Variants in DCX observed in about 807,000 individuals in gnomAD.
The protein encoded by DCX is doublecortin.
Under a neutral mutation model 20.9 loss-of-function variants are expected in DCX, and 4 were observed. That is an observed-to-expected ratio of 0.19 (90% CI 0.09 to 0.44). The LOEUF (loss-of-function observed/expected upper bound fraction) is 0.44. Among genes scored for constraint, DCX ranks in the 20% least tolerant of loss-of-function variants. The pLI is 0.99. For synonymous variants in DCX, 103 were observed against 111.4 expected, an observed-to-expected ratio of 0.92 and a Z score of 0.47; for missense variants, 133 against 296.9, an observed-to-expected ratio of 0.45 and a Z score of 4.06.
chrX:111,400,226 A>G (rs1008519516), intron 3 of DCX, among the ~76,000 whole-genome samples: 2 of 111,518 alleles, frequency 1.8e-5, no homozygotes, highest in Admixed American at 9.5e-5. Context: ...ACAGCTCCCT[A>G]TGCTTAAGAG....
intron 1 of DCX, chrX:111,411,164 T>A (rs1342096000): frequency 2.3e-6 from 1 of 435,102 alleles, no homozygotes; most frequent in African/African-American, 2.5e-5. Context: ...GAAAAAGGAT[T>A]AGAAAAATAA....
At chrX:111,316,086 T>TAAAAAAAAAAAA (rs754058802) in intron 5 of DCX, among the ~76,000 whole-genome samples, 40 of 50,295 alleles carry the variant, frequency 8.0e-4, no homozygotes, top group East Asian at 1.5e-3. Flanking sequence ...TAATAAAAAA[T>TAAAAAAAAAAAA]AAAAAAAAAA....
chrX:111,355,176 T>G (rs1216470876), intron 3 of DCX, among the ~76,000 whole-genome samples: 1 of 112,442 alleles, frequency 8.9e-6, no homozygotes, highest in Non-Finnish European at 1.9e-5. Flanking sequence ...TTAATCTTGT[T>G]AAAGAAAAAG....
chrX:111,345,942 G>A (rs1301971164), intron 3 of DCX, among the ~76,000 whole-genome samples: 1 of 110,953 alleles, frequency 9.0e-6, no homozygotes, highest in Non-Finnish European at 1.9e-5. Flanking sequence ...CATTCTGACT[G>A]GTGTGAGATA....
At chrX:111,303,454 G>A (rs2095038491) in intron 6 of DCX, among the ~76,000 whole-genome samples, 1 of 110,884 alleles carries the variant, frequency 9.0e-6, no homozygotes. Context: ...GTGGAAATGA[G>A]AAAGAGGGAC....
At chrX:111,374,926 A>G (rs765963350) in intron 3 of DCX, among the ~76,000 whole-genome samples, 73 of 106,411 alleles carry the variant, frequency 6.9e-4, no homozygotes, top group African/African-American at 2.4e-3. Context: ...CATAATACTC[A>G]GCAATAAAAA....
chrX:111,411,250 T>C, intron 1 of DCX: 1 of 306,805 alleles, frequency 3.3e-6, no homozygotes, highest in Non-Finnish European at 5.6e-6. Flanking sequence ...CCCCCCCAGG[T>C]GCTCCACCCC....
intron 6 of DCX, among the ~76,000 whole-genome samples, chrX:111,302,921 C>T (rs1161739944): frequency 1.8e-5 from 2 of 111,600 alleles, no homozygotes; most frequent in African/African-American, 6.5e-5. Flanking sequence ...CACACCTTCA[C>T]AGCTTTTGCA....
At chrX:111,328,336 C>T (rs1043840345) in intron 5 of DCX, among the ~76,000 whole-genome samples, 8 of 111,467 alleles carry the variant, frequency 7.2e-5, no homozygotes, top group African/African-American at 2.6e-4. Context: ...AATATATTCA[C>T]GTTATATCTC....
rs748943572 is a variant in DCX, at chrX:111,379,536, C to A, written c.705+21454G>T. ...TTTTTATTGTTCATTCACGTTATAGCATGTCATCACTTGATTTTTTATGCC... is the reference window on the plus strand; with the variant it reads ...TTTTTATTGTTCATTCACGTTATAGAATGTCATCACTTGATTTTTTATGCC... On this transcript the variant is annotated intron_variant, in intron 3 of 6. Transcript: ENST00000636035. Among the ~76,000 whole-genome samples, 22 of 112,190 alleles carry A rather than the reference C, an allele frequency of 2.0e-4. No individual in the cohort carries two copies. The Admixed American group carries it at 2.0e-3, about 10-fold the overall frequency.
chrX:111,372,884 C>A (rs1925213750), intron 3 of DCX, among the ~76,000 whole-genome samples: 3 of 111,390 alleles, frequency 2.7e-5, no homozygotes, highest in South Asian at 3.8e-4. Context: ...AGCTTTGTGG[C>A]TCCGTTGGAA....
At chrX:111,319,473 T>C (rs1426053211) in intron 5 of DCX, among the ~76,000 whole-genome samples, 1 of 111,905 alleles carries the variant, frequency 8.9e-6, no homozygotes. Flanking sequence ...ACATGACCTG[T>C]GCCAAATAGC....
chrX:111,406,155 TA>T (rs1928194877), intron 2 of DCX, among the ~76,000 whole-genome samples: 1 of 112,096 alleles, frequency 8.9e-6, no homozygotes. Flanking sequence ...TCACCCAGTC[TA>T]ATACTTCCCA....
intron 3 of DCX, among the ~76,000 whole-genome samples, chrX:111,364,532 A>C (rs1299504946): frequency 1.2e-4 from 13 of 112,064 alleles, no homozygotes; most frequent in Non-Finnish European, 2.1e-4. Context: ...TAAAATTTTA[A>C]ACATGTGTGT....
chrX:111,398,986 C>A (rs994548520), intron 3 of DCX, among the ~76,000 whole-genome samples: 2 of 110,390 alleles, frequency 1.8e-5, no homozygotes, highest in African/African-American at 6.6e-5. Flanking sequence ...TTGCAGCGTG[C>A]GTCTGTAGTC....
chrX:111,345,864 C>T (rs749512224), intron 3 of DCX, among the ~76,000 whole-genome samples: 2 of 111,664 alleles, frequency 1.8e-5, no homozygotes, highest in African/African-American at 3.3e-5. Context: ...CCACCAACAG[C>T]GTAAAAGCAT....
At chrX:111,391,155 T>A (rs1010203349) in intron 3 of DCX, among the ~76,000 whole-genome samples, 10 of 111,005 alleles carry the variant, frequency 9.0e-5, no homozygotes, top group African/African-American at 3.0e-4. Context: ...GGTGATTGAA[T>A]CATGGGGACA....
intron 3 of DCX, among the ~76,000 whole-genome samples, chrX:111,338,697 T>C (rs1271590080): frequency 1.0e-5 from 1 of 96,150 alleles, no homozygotes; most frequent in Non-Finnish European, 2.1e-5. Context: ...CTGTAGTGCC[T>C]TTTTTTTTTT....
chrX:111,396,176 T>C (rs777288268), intron 3 of DCX, among the ~76,000 whole-genome samples: 12 of 112,119 alleles, frequency 1.1e-4, no homozygotes, highest in Admixed American at 2.8e-4. Flanking sequence ...ACCATTTCCT[T>C]AAAACCCCTG....
Sources: gnomAD v4.1 joint callset for allele counts (sites outside exome capture counted in the v4.1 genomes callset) on GRCh38, gnomAD v4.1.1 for gene constraint, MANE v1.5 for transcripts, NCBI Gene and HGNC (gene_info 2026-07-23, HGNC 2026-07-21) for gene names.